The following MDFIC2 variants were observed in gnomAD, a reference collection of about 807,000 sequenced individuals.
MDFIC2 encodes myoD family inhibitor domain-containing protein 2.
intron 2 of MDFIC2, among the ~76,000 whole-genome samples, chr3:70,208,204 G>A (rs750435937): frequency 6.6e-6 from 1 of 152,068 alleles, no homozygotes; most frequent in Admixed American, 6.6e-5. Flanking sequence ...CAACTGGGAC[G>A]TGGTCAAGAG....
At chr3:70,252,806 G>A (rs1024658414) in intron 2 of MDFIC2, among the ~76,000 whole-genome samples, 10 of 152,256 alleles carry the variant, frequency 6.6e-5, no homozygotes, top group South Asian at 2.1e-4. Context: ...AAGGCCAGGC[G>A]CGGTGGCTCA....
chr3:70,308,679 T>C (rs1219119794), intron 2 of MDFIC2, among the ~76,000 whole-genome samples: 1 of 152,140 alleles, frequency 6.6e-6, no homozygotes, highest in Non-Finnish European at 1.5e-5. Flanking sequence ...TTCTTTTTTG[T>C]ATTGTTCTCT....
intron 2 of MDFIC2, among the ~76,000 whole-genome samples, chr3:70,301,940 T>G (rs919418210): frequency 6.6e-6 from 1 of 152,144 alleles, no homozygotes; most frequent in African/African-American, 2.4e-5. Context: ...TTGTCTGTTG[T>G]TTGAGATTAG....
At chr3:70,305,281 TCTTCACCC>T (rs1451759093) in intron 2 of MDFIC2, among the ~76,000 whole-genome samples, 5 of 152,222 alleles carry the variant, frequency 3.3e-5, no homozygotes, top group African/African-American at 1.2e-4. Context: ...TGTTACCTTT[TCTTCACCC>T]CTATTTTTGT....
At chr3:70,287,264 T>A (rs1214252820) in intron 2 of MDFIC2, among the ~76,000 whole-genome samples, 1 of 140,844 alleles carries the variant, frequency 7.1e-6, no homozygotes, top group African/African-American at 2.7e-5. Flanking sequence ...GTTTTTAGCA[T>A]GAAGGGTTGT....
At chr3:70,247,583 C>A (rs534925958) in intron 2 of MDFIC2, among the ~76,000 whole-genome samples, 2 of 151,768 alleles carry the variant, frequency 1.3e-5, no homozygotes, top group African/African-American at 4.8e-5. Flanking sequence ...CAACTCAATT[C>A]TATTAGAATT....
intron 2 of MDFIC2, among the ~76,000 whole-genome samples, chr3:70,292,204 A>T (rs1379474484): frequency 1.3e-5 from 2 of 152,190 alleles, no homozygotes; most frequent in Admixed American, 1.3e-4. Context: ...TGAATTGGAG[A>T]TAATAATACC....
At chr3:70,259,197 T>G (rs565133332) in intron 2 of MDFIC2, among the ~76,000 whole-genome samples, 1 of 152,144 alleles carries the variant, frequency 6.6e-6, no homozygotes, top group Non-Finnish European at 1.5e-5. Context: ...TCTAGCCATT[T>G]CCCAGAACAC....
At chr3:70,259,476 C>T (rs867182419) in intron 2 of MDFIC2, among the ~76,000 whole-genome samples, 6 of 151,828 alleles carry the variant, frequency 4.0e-5, no homozygotes, top group South Asian at 2.1e-4. Context: ...GGAGGTAGCA[C>T]GCAAGCACTT....
chr3:70,237,968 T>C (rs544978696), intron 2 of MDFIC2, among the ~76,000 whole-genome samples: 3 of 143,382 alleles, frequency 2.1e-5, no homozygotes, highest in African/African-American at 7.6e-5. Flanking sequence ...AAGAAACTAA[T>C]TGAGTGGTAT....
At chr3:70,293,654 T>C (rs1454743485) in intron 2 of MDFIC2, among the ~76,000 whole-genome samples, 1 of 152,134 alleles carries the variant, frequency 6.6e-6, no homozygotes, top group Admixed American at 6.5e-5. Flanking sequence ...TTTGTAGGCC[T>C]GTTCCTTTCC....
At chr3:70,265,953 C>T (rs1701913280) in intron 2 of MDFIC2, among the ~76,000 whole-genome samples, 1 of 152,132 alleles carries the variant, frequency 6.6e-6, no homozygotes, top group Non-Finnish European at 1.5e-5. Context: ...TGGTCTCCCC[C>T]TTGACACGTG....
At chr3:70,250,376 A>G (rs1430554881) in intron 2 of MDFIC2, among the ~76,000 whole-genome samples, 1 of 150,672 alleles carries the variant, frequency 6.6e-6, no homozygotes, top group Admixed American at 6.6e-5. Context: ...TTTTATTGTT[A>G]TTGACAATAT....
At chr3:70,244,666 T>C (rs1701689977) in intron 2 of MDFIC2, among the ~76,000 whole-genome samples, 2 of 152,170 alleles carry the variant, frequency 1.3e-5, no homozygotes, top group Admixed American at 6.6e-5. Context: ...CTTAGAATAA[T>C]AGACTCAAAT....
intron 2 of MDFIC2, among the ~76,000 whole-genome samples, chr3:70,264,824 G>C (rs995816773): frequency 6.6e-6 from 1 of 152,136 alleles, no homozygotes; most frequent in Non-Finnish European, 1.5e-5. Flanking sequence ...TAGGGACATC[G>C]GGGATGTATT....
At chr3:70,286,742 T>C (rs1702168451) in intron 2 of MDFIC2, among the ~76,000 whole-genome samples, 1 of 152,192 alleles carries the variant, frequency 6.6e-6, no homozygotes, top group African/African-American at 2.4e-5. Flanking sequence ...CCTTGAGCAG[T>C]GGTTTGTAGT....
intron 2 of MDFIC2, among the ~76,000 whole-genome samples, chr3:70,267,575 T>G (rs866508922): frequency 0.38 from 33,560 of 88,290 alleles, 4,814 homozygotes; most frequent in Non-Finnish European, 0.44. Flanking sequence ...GCTAATTTTT[T>G]GTATTTTTTT....
At chr3:70,231,913 G>C (rs766005889) in intron 2 of MDFIC2, among the ~76,000 whole-genome samples, 4 of 152,164 alleles carry the variant, frequency 2.6e-5, no homozygotes, top group Non-Finnish European at 5.9e-5. Context: ...TTCCCTTCCA[G>C]AGCTGATGCT....
At chr3:70,207,811 C>A (rs1701306287) in intron 2 of MDFIC2, among the ~76,000 whole-genome samples, 1 of 151,882 alleles carries the variant, frequency 6.6e-6, no homozygotes. Flanking sequence ...ATATTAGAGA[C>A]CTGAGCATCT....
Sources: gnomAD v4.1 joint callset for allele counts (sites outside exome capture counted in the v4.1 genomes callset) on GRCh38, gnomAD v4.1.1 for gene constraint, MANE v1.5 for transcripts, NCBI Gene and HGNC (gene_info 2026-07-23, HGNC 2026-07-21) for gene names.